The following PRKCE variants were observed in gnomAD, a reference collection of about 807,000 sequenced individuals.
PRKCE encodes protein kinase C epsilon type.
Under a neutral mutation model 85.4 loss-of-function variants are expected in PRKCE, and 16 were observed. The observed-to-expected ratio is 0.19, with a 90% CI of 0.13 to 0.28. PRKCE has a LOEUF of 0.28. PRKCE is among the 10% of genes least tolerant of loss of function. The pLI, the probability that PRKCE is intolerant of heterozygous loss-of-function variation, is 1.00. For synonymous variants in PRKCE, 388 were observed against 371.5 expected (o/e 1.04, Z -0.51); for missense variants, 573 against 975.2 (o/e 0.59, Z 5.49).
At chr2:45,947,947 A>C (rs72802832) in intron 2 of PRKCE, among the ~76,000 whole-genome samples, 6,368 of 152,290 alleles carry the variant, frequency 0.042, 185 homozygotes, top group East Asian at 0.16. Flanking sequence ...AGAACTACGT[A>C]TATGTGAAGT....
intron 10 of PRKCE, among the ~76,000 whole-genome samples, chr2:46,056,118 C>G (rs529039111): frequency 2.0e-5 from 3 of 152,150 alleles, no homozygotes; most frequent in Non-Finnish European, 4.4e-5. Context: ...CAAGCTGTTT[C>G]GAGGACTGAA....
At chr2:46,106,901 C>T (rs1373532009) in intron 11 of PRKCE, among the ~76,000 whole-genome samples, 1 of 152,206 alleles carries the variant, frequency 6.6e-6, no homozygotes, top group Non-Finnish European at 1.5e-5. Flanking sequence ...CAGCACCTTT[C>T]TTCCCCACCC....
intron 2 of PRKCE, among the ~76,000 whole-genome samples, chr2:45,903,902 TGTTTGTTTG>T (rs1696771733): frequency 1.0e-5 from 1 of 96,130 alleles, no homozygotes; most frequent in Admixed American, 1.0e-4. Flanking sequence ...TTTGTTTGTT[TGTTTGTTTG>T]TTTGTTTTTT....
intron 1 of PRKCE, among the ~76,000 whole-genome samples, chr2:45,699,957 G>A (rs140561118): frequency 6.6e-6 from 1 of 152,206 alleles, no homozygotes; most frequent in Non-Finnish European, 1.5e-5. Flanking sequence ...GGTAGCAGGT[G>A]GGGTGATAGC....
intron 13 of PRKCE, among the ~76,000 whole-genome samples, chr2:46,156,516 G>A (rs1677219052): frequency 6.6e-6 from 1 of 152,224 alleles, no homozygotes; most frequent in Admixed American, 6.5e-5. Flanking sequence ...ACTCATGTGT[G>A]TGCAAAGGAA....
chr2:45,888,582 C>G (rs1306049284), intron 2 of PRKCE, among the ~76,000 whole-genome samples: 1 of 146,396 alleles, frequency 6.8e-6, no homozygotes, highest in African/African-American at 2.5e-5. Context: ...TCCCCAGTAG[C>G]TGGAATTACA....
intron 10 of PRKCE, among the ~76,000 whole-genome samples, chr2:46,018,110 G>A (rs1311533689): frequency 2.0e-5 from 3 of 152,216 alleles, no homozygotes; most frequent in African/African-American, 7.2e-5. Context: ...AAGAGGAGCA[G>A]GGTTGATCAG....
intron 10 of PRKCE, among the ~76,000 whole-genome samples, chr2:46,027,471 A>G (rs1466409764): frequency 2.0e-5 from 3 of 152,234 alleles, no homozygotes; most frequent in South Asian, 2.1e-4. Context: ...ACCATGTTCT[A>G]TCTGTCAAGG....
intron 14 of PRKCE, among the ~76,000 whole-genome samples, chr2:46,177,403 G>A (rs983969200): frequency 6.6e-6 from 1 of 152,222 alleles, no homozygotes; most frequent in African/African-American, 2.4e-5. Context: ...TTTGAGGCTA[G>A]AAGTCTGAAA....
intron 1 of PRKCE, among the ~76,000 whole-genome samples, chr2:45,743,029 A>G (rs1472463581): frequency 6.6e-6 from 1 of 152,252 alleles, no homozygotes; most frequent in Non-Finnish European, 1.5e-5. Context: ...ATAGAAAAAT[A>G]AATATTGCAT....
At chr2:45,979,516 G>C (rs867440983) in intron 4 of PRKCE, among the ~76,000 whole-genome samples, 3 of 152,136 alleles carry the variant, frequency 2.0e-5, no homozygotes, top group Admixed American at 6.5e-5. Context: ...TGAAGGTATT[G>C]AAGATTATTC....
intron 10 of PRKCE, among the ~76,000 whole-genome samples, chr2:46,080,223 A>C (rs1230337510): frequency 6.6e-6 from 1 of 152,218 alleles, no homozygotes; most frequent in African/African-American, 2.4e-5. Context: ...CTCACCCTGC[A>C]TCAAAACATG....
At position 45,884,994 on chromosome 2, in the gene PRKCE, TATA is replaced by T. The variant is rs1179987766; in HGVS notation, c.412+41932_412+41934del. On this transcript the variant is annotated intron_variant, in intron 2 of 14. Transcript: ENST00000306156. Reference sequence around the variant, plus strand: ...ATATATATATATATATATATATATATATATATATTTGTTGTTGTTGTTGTTGTT... The same window carrying T: ...ATATATATATATATATATATATATATTATATTTGTTGTTGTTGTTGTTGTT... 7.1e-3 allele frequency among the ~76,000 whole-genome samples: 516 copies of T among 72,928 alleles called. 25 individuals are homozygous for T. Among genetic ancestry groups the T allele is most frequent in the Middle Eastern group, 0.021 (3 of 140 alleles). The allele number at this position is 72,928 out of a possible 152,430, so 47.8% of individuals were successfully genotyped here. A position where few individuals can be genotyped will look rare whatever the true frequency, so the allele number is the denominator to read the frequency against.
chr2:45,689,453 A>G (rs1274320437), intron 1 of PRKCE, among the ~76,000 whole-genome samples: 1 of 152,096 alleles, frequency 6.6e-6, no homozygotes, highest in Non-Finnish European at 1.5e-5. Flanking sequence ...GGTATTAGAC[A>G]GTTTCAAAGT....
chr2:46,064,271 ACT>A (rs1667415294), intron 10 of PRKCE, among the ~76,000 whole-genome samples: 1 of 132,332 alleles, frequency 7.6e-6, no homozygotes, highest in Non-Finnish European at 1.6e-5. Context: ...ACAGAGTGAG[ACT>A]CTGTCTCAAA....
At chr2:45,852,817 T>C (rs1267915028) in intron 2 of PRKCE, among the ~76,000 whole-genome samples, 1 of 152,202 alleles carries the variant, frequency 6.6e-6, no homozygotes, top group African/African-American at 2.4e-5. Flanking sequence ...CTTTTACATA[T>C]TGGAAAAGTG....
At chr2:45,883,087 A>G (rs1421321496) in intron 2 of PRKCE, among the ~76,000 whole-genome samples, 1 of 152,260 alleles carries the variant, frequency 6.6e-6, no homozygotes, top group African/African-American at 2.4e-5. Context: ...TTCTATCTTC[A>G]AATTCACATT....
intron 11 of PRKCE, among the ~76,000 whole-genome samples, chr2:46,126,462 T>A (rs531650887): frequency 6.6e-6 from 1 of 152,206 alleles, no homozygotes; most frequent in South Asian, 2.1e-4. Flanking sequence ...GGGGAGTCCA[T>A]GAATTCTTCT....
At position 45,811,886 on chromosome 2, in the gene PRKCE, T is replaced by C. The variant is rs927267450; in HGVS notation, c.349-31114T>C. Among the ~76,000 whole-genome samples, 5 of 152,238 alleles carry C rather than the reference T, an allele frequency of 3.3e-5. No individual in the cohort carries two copies. The East Asian group carries it at 5.8e-4, about 18-fold the overall frequency. ...AATTGTAAAATTATGCTAGCTGTTA[T>C]AGATGTTTATACCTCCATGCGTACA... On this transcript the variant is annotated intron_variant, in intron 1 of 14. Coordinates refer to ENST00000306156, the MANE Select transcript of PRKCE (RefSeq NM_005400.3).
Sources: allele counts gnomAD v4.1 joint callset (sites outside exome capture counted in the v4.1 genomes callset), GRCh38; gene constraint gnomAD v4.1.1; transcripts MANE v1.5; gene names NCBI Gene and HGNC (gene_info 2026-07-23, HGNC 2026-07-21).